Variants in KIAA1671 observed in about 807,000 individuals in gnomAD.
KIAA1671 encodes the protein KIAA1671.
A neutral mutation model predicts 131.2 loss-of-function variants in KIAA1671; 52 were observed. The observed-to-expected ratio is 0.40, with a 90% CI of 0.32 to 0.50. KIAA1671 has a LOEUF of 0.50. Among genes scored for constraint, KIAA1671 ranks in the 20% least tolerant of loss-of-function variants. The pLI is 0.73. For synonymous variants in KIAA1671, 1,003 were observed against 961.6 expected (o/e 1.04, Z -0.80); for missense variants, 2,360 against 2,364.2 (o/e 1.00, Z 0.04).
chr22:25,179,624 G>C (rs1934194609), intron 9 of KIAA1671: 2 of 862,726 alleles, frequency 2.3e-6, no homozygotes, highest in East Asian at 5.3e-5. Flanking sequence ...CCCAAAAGTG[G>C]AAACTGATTT....
intron 11 of KIAA1671, among the ~76,000 whole-genome samples, chr22:25,186,732 G>A (rs781271796): frequency 1.7e-4 from 26 of 152,272 alleles, no homozygotes; most frequent in Non-Finnish European, 5.9e-5. Flanking sequence ...AGGCCTGGAG[G>A]CCAGATGTAC....
chr22:25,177,539 C>T lies in KIAA1671; in HGVS notation c.5074+17C>T, dbSNP rs368725381. 1.3e-6 allele frequency: 2 copies of T among 1,542,372 alleles called. No individual in the cohort carries two copies. The highest frequency in any genetic ancestry group is 2.5e-5 in the East Asian group (1 of 40,658). On this transcript the variant is annotated intron_variant, in intron 9 of 12. Transcript: ENST00000358431. ...ACTCAACGGGTATGCCATGACTTCT[C>T]TCCTCCTCAGATAGCACATTGAACA... is the stretch of plus-strand genomic sequence containing the variant.
intron 6 of KIAA1671, among the ~76,000 whole-genome samples, chr22:25,139,913 A>G (rs769079766): frequency 5.9e-5 from 9 of 152,374 alleles, no homozygotes; most frequent in Non-Finnish European, 7.3e-5. Flanking sequence ...TAGAAAGCAC[A>G]TGGAGGTCTT....
chr22:25,045,042 TC>T (rs1229710973), intron 5 of KIAA1671, among the ~76,000 whole-genome samples: 1 of 151,722 alleles, frequency 6.6e-6, no homozygotes, highest in East Asian at 1.9e-4. Context: ...GCGCCTGTAG[TC>T]CCAGCTACTC....
chr22:25,134,368 G>A (rs142315376), intron 6 of KIAA1671, among the ~76,000 whole-genome samples: 79 of 152,100 alleles, frequency 5.2e-4, no homozygotes, highest in African/African-American at 1.8e-3. Context: ...TGCTCTCCTG[G>A]TATTGGTATG....
Position 25,032,669 on chromosome 22 carries a change from C to A in KIAA1671, c.1602C>A (p.Gly534=). The change falls in exon 4 of 13, where the codon GGC becomes GGA. Residue 534 remains glycine (G), a synonymous_variant. Transcript: ENST00000358431. Reference sequence around the variant, plus strand: ...ATGAGAAGAGTGCTGAGCTGAGCGGCGAGTTTCCTAAGGAACCGAGAGAAA... The same window carrying A: ...ATGAGAAGAGTGCTGAGCTGAGCGGAGAGTTTCCTAAGGAACCGAGAGAAA... The part of the protein sequence containing the change: ...VKYEKSAELS[G]EFPKEPREKQ... The A allele has an allele frequency of 6.5e-7, 1 of 1,546,480 alleles. No individual in the cohort carries two copies.
intron 6 of KIAA1671, chr22:25,062,597 AT>A: frequency 6.6e-6 from 1 of 152,110 alleles, no homozygotes; most frequent in Non-Finnish European, 1.5e-5. Context: ...GCAGCACGGC[AT>A]TTTTTTTACG....
At chr22:25,134,458 T>C (rs931514616) in intron 6 of KIAA1671, among the ~76,000 whole-genome samples, 9 of 152,206 alleles carry the variant, frequency 5.9e-5, no homozygotes, top group African/African-American at 2.2e-4. Flanking sequence ...TTCATTATTG[T>C]TTTTAAAAGT....
At chr22:25,068,594 G>T (rs910343706) in intron 6 of KIAA1671, among the ~76,000 whole-genome samples, 3 of 152,100 alleles carry the variant, frequency 2.0e-5, no homozygotes, top group African/African-American at 7.2e-5. Context: ...CCGCCTCCGC[G>T]GCCGGCTAAT....
intron 2 of KIAA1671, 101 bp from the exon 3 acceptor site, chr22:25,027,844 C>G: frequency 1.6e-6 from 1 of 615,672 alleles, no homozygotes; most frequent in Non-Finnish European, 2.7e-6. Flanking sequence ...CGTATGGAAT[C>G]TGGGGCTCAG....
intron 6 of KIAA1671, among the ~76,000 whole-genome samples, chr22:25,127,486 AG>A (rs1317208178): frequency 2.0e-5 from 3 of 152,206 alleles, no homozygotes; most frequent in Non-Finnish European, 4.4e-5. Flanking sequence ...TAGAGCCAGC[AG>A]CCCCATCCTC....
At chr22:25,104,331 G>A (rs1265980774) in intron 6 of KIAA1671, among the ~76,000 whole-genome samples, 1 of 152,196 alleles carries the variant, frequency 6.6e-6, no homozygotes, top group African/African-American at 2.4e-5. Flanking sequence ...AGGATGCACA[G>A]TCCTGGAATG....
chr22:25,188,623 T>A (rs1336321281), intron 11 of KIAA1671, among the ~76,000 whole-genome samples: 1 of 152,184 alleles, frequency 6.6e-6, no homozygotes, highest in African/African-American at 2.4e-5. Flanking sequence ...ACCAGAAGCC[T>A]CACTCATAAC....
At chr22:24,980,747 ATTATTT>A (rs112254212) in intron 1 of KIAA1671, among the ~76,000 whole-genome samples, 10 of 151,102 alleles carry the variant, frequency 6.6e-5, no homozygotes, top group African/African-American at 2.4e-4. Flanking sequence ...TGTTGTTATT[ATTATTT>A]TTTTTTTTTT....
rs138235732 is a variant in KIAA1671, at chr22:25,081,553, A to G, written c.4530+32189A>G. 1.4e-3 allele frequency among the ~76,000 whole-genome samples: 212 copies of G among 152,252 alleles called. 1 individual carries two copies. The highest frequency in any genetic ancestry group is 4.3e-3 in the Admixed American group (66 of 15,296). On this transcript the variant is annotated intron_variant, in intron 6 of 12. Coordinates refer to ENST00000358431, the MANE Select transcript of KIAA1671 (RefSeq NM_001145206.2). ...AGTTGCTGGCTGCCTCGAGGGTGGAATGACTTCTCGATTGAGGCACTAGAG... is the reference window on the plus strand; with the variant it reads ...AGTTGCTGGCTGCCTCGAGGGTGGAGTGACTTCTCGATTGAGGCACTAGAG...
chr22:25,181,646 A>G (rs933769684), intron 9 of KIAA1671, 53 bp from the exon 10 acceptor site: 8 of 1,546,932 alleles, frequency 5.2e-6, no homozygotes, highest in African/African-American at 1.4e-5. Context: ...GGCATGTAGG[A>G]CCTCAATACA....
chr22:24,989,710 A>G (rs534924392), intron 1 of KIAA1671, among the ~76,000 whole-genome samples: 5 of 152,252 alleles, frequency 3.3e-5, no homozygotes, highest in Admixed American at 2.6e-4. Context: ...GAGTTCCCAA[A>G]GCTTAGCAAG....
intron 6 of KIAA1671, chr22:25,070,356 G>C (rs6519550): frequency 0.12 from 56,967 of 486,262 alleles, 3,573 homozygotes; most frequent in African/African-American, 0.16. Flanking sequence ...ATAACCTCTG[G>C]GTGCTGGAAA....
In KIAA1671 at chr22:25,189,131, T is replaced by TC. The variant is rs1484344338; in HGVS notation, c.5343-1571_5343-1570insC. On this transcript the variant is annotated intron_variant, in intron 11 of 12. Coordinates refer to ENST00000358431, the MANE Select transcript of KIAA1671 (RefSeq NM_001145206.2). ...CCTGGGAGGCCAGTCTTTTTCTTTT[T>TC]TTTTTTTTTTTTTTGTTTTGTTTTT... Among the ~76,000 whole-genome samples, 582 of 148,168 alleles carry TC rather than the reference T, an allele frequency of 3.9e-3. 1 individual carries two copies. Among genetic ancestry groups the TC allele is most frequent in the Non-Finnish European group, 6.1e-3 (411 of 67,082 alleles).
Sources: allele counts gnomAD v4.1 joint callset (sites outside exome capture counted in the v4.1 genomes callset), GRCh38; gene constraint gnomAD v4.1.1; transcripts MANE v1.5; gene names NCBI Gene and HGNC (gene_info 2026-07-23, HGNC 2026-07-21).